TLN2: variants seen among roughly 807,000 people sequenced by gnomAD.
TLN2 encodes the protein talin-2.
Under a neutral mutation model 294.7 loss-of-function variants are expected in TLN2, and 118 were observed. That is an observed-to-expected ratio of 0.40 (90% CI 0.34 to 0.47). TLN2 has a LOEUF of 0.47. Ranked by LOEUF, TLN2 falls within the 20% of genes least tolerant of loss-of-function variation. TLN2 has a pLI of 0.84. For synonymous variants in TLN2, 1,431 were observed against 1,304.5 expected (o/e 1.10, Z -2.09); for missense variants, 3,083 against 3,282.2 (o/e 0.94, Z 1.48).
intron 3 of TLN2, among the ~76,000 whole-genome samples, chr15:62,639,791 A>G (rs1160450018): frequency 6.6e-6 from 1 of 152,224 alleles, no homozygotes; most frequent in Non-Finnish European, 1.5e-5. Flanking sequence ...AGAGATAACC[A>G]GGTCCCAGTG....
At chr15:62,725,811 A>G (rs6494349) in intron 27 of TLN2, among the ~76,000 whole-genome samples, 135,772 of 152,152 alleles carry the variant, frequency 0.89, 60,976 homozygotes, top group Non-Finnish European at 0.95. Context: ...GAGCCAAACC[A>G]CGGTTTGAAT....
intron 1 of TLN2, among the ~76,000 whole-genome samples, chr15:62,419,049 A>G (rs1190629608): frequency 6.6e-6 from 1 of 152,202 alleles, no homozygotes; most frequent in Non-Finnish European, 1.5e-5. Context: ...ATGTTATGAG[A>G]TCAAAATAAA....
intron 1 of TLN2, among the ~76,000 whole-genome samples, chr15:62,580,026 C>A (rs1346425235): frequency 6.6e-6 from 1 of 152,146 alleles, no homozygotes; most frequent in Non-Finnish European, 1.5e-5. Context: ...TCGCTGCTTC[C>A]CCAGGCCAAG....
At chr15:62,709,499 A>G (rs1422683268) in intron 21 of TLN2, among the ~76,000 whole-genome samples, 1 of 152,174 alleles carries the variant, frequency 6.6e-6, no homozygotes, top group Non-Finnish European at 1.5e-5. Flanking sequence ...GAGCCTGTGC[A>G]GTCTCTAAAT....
At chr15:62,798,242 A>G (rs1474197617) in intron 48 of TLN2, among the ~76,000 whole-genome samples, 1 of 152,158 alleles carries the variant, frequency 6.6e-6, no homozygotes, top group African/African-American at 2.4e-5. Context: ...TTCTCAAGGA[A>G]GAGAGAGAAG....
intron 9 of TLN2, chr15:62,658,126 T>C: frequency 4.4e-6 from 1 of 228,276 alleles, no homozygotes; most frequent in Non-Finnish European, 8.4e-6. Flanking sequence ...TGTGTCCCCC[T>C]CCACCCCCTT....
intron 1 of TLN2, among the ~76,000 whole-genome samples, chr15:62,428,870 T>G (rs1293377045): frequency 6.6e-6 from 1 of 152,184 alleles, no homozygotes; most frequent in Non-Finnish European, 1.5e-5. Flanking sequence ...GAATTTAGTA[T>G]GCATTAATTC....
intron 1 of TLN2, among the ~76,000 whole-genome samples, chr15:62,507,438 G>A (rs1301458754): frequency 1.3e-5 from 2 of 152,210 alleles, no homozygotes; most frequent in Admixed American, 6.5e-5. Context: ...TGAGTCCCTT[G>A]CCCTAAGGCT....
At chr15:62,784,737 C>G (rs1359261714) in intron 45 of TLN2, 1 of 152,216 alleles carries the variant, frequency 6.6e-6, no homozygotes, top group African/African-American at 2.4e-5. Context: ...TACAGGGACA[C>G]TTAAAAGATA....
chr15:62,795,612 A>G (rs932092794), intron 46 of TLN2, among the ~76,000 whole-genome samples: 1 of 152,154 alleles, frequency 6.6e-6, no homozygotes, highest in African/African-American at 2.4e-5. Flanking sequence ...TCTGAACTCC[A>G]TTCTGGAGAA....
intron 1 of TLN2, chr15:62,476,509 CCT>C (rs1339367383): frequency 1.3e-5 from 2 of 152,364 alleles, no homozygotes; most frequent in Non-Finnish European, 2.9e-5. Context: ...CTGTGGCCAG[CCT>C]CTCTCACACC....
Position 62,565,713 on chromosome 15 carries a change from AC to A in TLN2, c.-237-23973del, listed in dbSNP as rs373663797. ...CTACATGAAGGACATCCATCCTCTT[AC>A]GTTTCAAATCAGCAAATATTTGAAT... is the stretch of plus-strand genomic sequence containing the variant. On this transcript the variant is annotated intron_variant, in intron 1 of 58. Transcript: ENST00000636159. Among the ~76,000 whole-genome samples, 151 of 152,324 alleles carry A rather than the reference AC, an allele frequency of 9.9e-4. 2 individuals carry two copies. The East Asian group carries it at 0.026, about 26-fold the overall frequency.
intron 32 of TLN2, among the ~76,000 whole-genome samples, chr15:62,744,675 T>C (rs1403579974): frequency 4.6e-5 from 7 of 152,082 alleles, no homozygotes; most frequent in Non-Finnish European, 5.9e-5. Flanking sequence ...GCCTCCCGAG[T>C]AGCTGGGATT....
At chr15:62,708,329 A>C (rs2059199901) in intron 20 of TLN2, among the ~76,000 whole-genome samples, 173 bp from the exon 21 acceptor site, 1 of 152,188 alleles carries the variant, frequency 6.6e-6, no homozygotes, top group Non-Finnish European at 1.5e-5. Context: ...TGTGAGACTG[A>C]AGCAATGGTT....
intron 35 of TLN2, 99 bp downstream of exon 35, chr15:62,752,526 C>T (rs1020842640): frequency 1.3e-6 from 2 of 1,510,672 alleles, no homozygotes; most frequent in African/African-American, 2.8e-5. Flanking sequence ...AGTACCACCA[C>T]AGAAACCATG....
intron 11 of TLN2, among the ~76,000 whole-genome samples, chr15:62,684,290 C>G (rs1006151583): frequency 1.3e-5 from 2 of 152,214 alleles, no homozygotes; most frequent in East Asian, 3.8e-4. Flanking sequence ...TATTTTATCT[C>G]CAGTCCCCTT....
rs2062995619 is a variant in TLN2 at position 62,766,251 on chromosome 15, G to A, written c.5095-70G>A. On this transcript the variant is annotated intron_variant, in intron 40 of 58. Transcript: ENST00000636159. ...GTGGCCTCTGTCATTTTTCAGAGGG[G>A]CCTTTTTGAATCAGTGCAGCTCTGT... is the stretch of plus-strand genomic sequence containing the variant. 2.2e-6 allele frequency: 3 copies of A among 1,354,636 alleles called. No individual in the cohort carries two copies. The South Asian group carries it at 3.9e-5, about 18-fold the overall frequency. 83.9% of individuals were successfully genotyped at this position (1,354,636 alleles called of 1,614,324 possible).
intron 54 of TLN2, chr15:62,827,607 C>CTGTT (rs1299286555): frequency 1.3e-5 from 2 of 152,180 alleles, no homozygotes; most frequent in African/African-American, 2.4e-5. Context: ...CCCATCTATG[C>CTGTT]TGTTTGGTAC....
At chr15:62,796,318 G>A (rs756241636) in intron 47 of TLN2, 25 bp downstream of exon 47, 71 of 1,602,524 alleles carry the variant, frequency 4.4e-5, no homozygotes, top group Non-Finnish European at 6.0e-5. Context: ...TGGACGGGGA[G>A]AGGTTCAGGC....
Sources: gnomAD v4.1 joint callset for allele counts (sites outside exome capture counted in the v4.1 genomes callset) on GRCh38, gnomAD v4.1.1 for gene constraint, MANE v1.5 for transcripts, NCBI Gene and HGNC (gene_info 2026-07-23, HGNC 2026-07-21) for gene names.